Variants in CAST observed in about 807,000 individuals in gnomAD.
The protein encoded by CAST is MIR583 host.
CAST carries 76 observed loss-of-function variants against 119.6 expected under a neutral mutation model. That is an observed-to-expected ratio of 0.64 (90% confidence interval 0.53 to 0.77). The LOEUF (loss-of-function observed/expected upper bound fraction) is 0.77, where lower values mean the gene tolerates loss of function less well. Ranked by LOEUF, CAST falls within the 30% of genes least tolerant of loss-of-function variation. The pLI, the probability that CAST is intolerant of heterozygous loss-of-function variation, is 0.00. For missense variants in CAST, 953 were observed against 946.5 expected, an observed-to-expected ratio of 1.01 and a Z score of -0.09; for synonymous variants, 319 against 331.6, an observed-to-expected ratio of 0.96 and a Z score of 0.41.
chr5:96,423,824 C>G, the CAST span, among the ~76,000 whole-genome samples: 2 of 152,194 alleles, frequency 1.3e-5, no homozygotes, highest in Admixed American at 6.5e-5. Context: ...TTCATCTCCC[C>G]CCAAATCCTG....
the CAST span, among the ~76,000 whole-genome samples, chr5:96,086,954 C>T: frequency 6.6e-6 from 1 of 152,162 alleles, no homozygotes; most frequent in Non-Finnish European, 1.5e-5. Flanking sequence ...TTTTAGTAAA[C>T]ATTCCTACTA....
intron 27 of CAST, 83 bp from the exon 28 acceptor site, chr5:96,767,355 G>A (rs1770353414): frequency 9.0e-7 from 1 of 1,107,688 alleles, no homozygotes; most frequent in East Asian, 2.4e-5. Context: ...TCAAGTCATG[G>A]GACAATAGAT....
the CAST span, chr5:95,961,560 G>C: frequency 7.8e-4 from 1,216 of 1,566,602 alleles, 3 homozygotes; most frequent in Non-Finnish European, 7.4e-4. Context: ...CCAGCCTGCC[G>C]GCCGGCCCGC....
chr5:96,212,425 C>T, the CAST span, among the ~76,000 whole-genome samples: 1 of 152,060 alleles, frequency 6.6e-6, no homozygotes, highest in African/African-American at 2.4e-5. Flanking sequence ...TAGTTTTCTT[C>T]CTTTGTAGTC....
Position 96,627,825 on chromosome 5 carries a change from C to T in CAST, c.61-47714C>T, listed in dbSNP as rs902064938. ...GCATTAGAAAATTTTCAAGTCCTAT[C>T]CCTTAGAAGCCCAGAGTTTCATAGT... On this transcript the variant is annotated intron_variant, in intron 1 of 11. Transcript: ENST00000505143. 3.3e-5 allele frequency among the ~76,000 whole-genome samples: 5 copies of T among 152,216 alleles called. No individual in the cohort carries two copies. The East Asian group carries it at 7.7e-4, about 23-fold the overall frequency.
chr5:96,616,341 C>T (rs1747455094), intron 1 of CAST, among the ~76,000 whole-genome samples: 1 of 152,078 alleles, frequency 6.6e-6, no homozygotes, highest in Non-Finnish European at 1.5e-5. Flanking sequence ...TAAGGGAGCC[C>T]CTCCCTTAAC....
At chr5:96,468,342 A>T in the CAST span, among the ~76,000 whole-genome samples, 1 of 152,094 alleles carries the variant, frequency 6.6e-6, no homozygotes, top group Non-Finnish European at 1.5e-5. Context: ...CAATTCATCC[A>T]TGTAACCAAA....
chr5:96,412,750 A>ATTTTTTTTTTTTTTTTTTTTTT, the CAST span, among the ~76,000 whole-genome samples: 2 of 63,386 alleles, frequency 3.2e-5, no homozygotes, highest in African/African-American at 1.6e-4. Context: ...GGCAGCTGTG[A>ATTTTTTTTTTTTTTTTTTTTTT]TGTTTTTTTT....
chr5:96,245,991 A>C, the CAST span, among the ~76,000 whole-genome samples: 1 of 152,072 alleles, frequency 6.6e-6, no homozygotes, highest in African/African-American at 2.4e-5. Context: ...TTGAGGAGGC[A>C]GGTGATTGTA....
At chr5:96,546,417 G>A (rs6878046) in intron 1 of CAST, 93,494 of 151,938 alleles carry the variant, frequency 0.62, 29,109 homozygotes, top group East Asian at 0.86. Context: ...TTATAGCTAG[G>A]TGTGTCAGAA....
At chr5:96,357,690 T>G in the CAST span, among the ~76,000 whole-genome samples, 1 of 152,248 alleles carries the variant, frequency 6.6e-6, no homozygotes, top group East Asian at 1.9e-4. Context: ...CCGAGTTGAT[T>G]GTGGTGGATA....
At chr5:96,761,366 A>T (rs1298195846) in intron 24 of CAST, 1 of 152,226 alleles carries the variant, frequency 6.6e-6, no homozygotes, top group African/African-American at 2.4e-5. Context: ...ATTTTGGATT[A>T]CCTAAAATAT....
the CAST span, among the ~76,000 whole-genome samples, chr5:96,109,721 G>A: frequency 6.3e-4 from 96 of 152,262 alleles, no homozygotes; most frequent in South Asian, 2.1e-3. Context: ...GGTGGGTGGA[G>A]GATTTATTTG....
At chr5:96,262,825 A>T in the CAST span, among the ~76,000 whole-genome samples, 1 of 152,166 alleles carries the variant, frequency 6.6e-6, no homozygotes, top group Non-Finnish European at 1.5e-5. Context: ...ATGAGCCACC[A>T]CGCCCAGCCT....
At chr5:96,771,888 T>A in intron 31 of CAST, 186 bp downstream of exon 31, 1 of 427,734 alleles carries the variant, frequency 2.3e-6, no homozygotes, top group Non-Finnish European at 4.2e-6. Flanking sequence ...ATGGGATGAG[T>A]TTGCTATTGA....
At chr5:96,231,949 C>CT in the CAST span, among the ~76,000 whole-genome samples, 6 of 151,666 alleles carry the variant, frequency 4.0e-5, no homozygotes, top group Non-Finnish European at 5.9e-5. Context: ...GGATCCTAAG[C>CT]TTTTTTTTCT....
chr5:96,316,028 C>T, the CAST span, among the ~76,000 whole-genome samples: 1 of 152,168 alleles, frequency 6.6e-6, no homozygotes, highest in East Asian at 1.9e-4. Context: ...ACAAAACCCA[C>T]CCAGCTGAGC....
At chr5:96,064,703 CAGG>C in the CAST span, among the ~76,000 whole-genome samples, 90,503 of 151,532 alleles carry the variant, frequency 0.6, 27,210 homozygotes, top group Non-Finnish European at 0.63. Flanking sequence ...CTGTGGCCTA[CAGG>C]AGAAGAAAGC....
At chr5:96,381,265 G>A in the CAST span, among the ~76,000 whole-genome samples, 516 of 152,142 alleles carry the variant, frequency 3.4e-3, 4 homozygotes, top group African/African-American at 0.012. Flanking sequence ...TTAATATACA[G>A]TGGGTTTATT....
Sources: gnomAD v4.1 joint callset for allele counts (sites outside exome capture counted in the v4.1 genomes callset) on GRCh38, gnomAD v4.1.1 for gene constraint, MANE v1.5 for transcripts, NCBI Gene and HGNC (gene_info 2026-07-23, HGNC 2026-07-21) for gene names.